Variants in DPP6 observed in about 807,000 individuals in gnomAD.
DPP6 encodes the protein A-type potassium channel modulatory protein DPP6.
Under a neutral mutation model 122.6 loss-of-function variants are expected in DPP6, and 69 were observed. The ratio of observed to expected loss-of-function variants is 0.56; its 90% confidence interval spans 0.46 to 0.69. The LOEUF (loss-of-function observed/expected upper bound fraction) is 0.69. DPP6 is among the 30% of genes least tolerant of loss of function. DPP6 has a pLI of 0.00. For missense variants in DPP6, 928 were observed against 1,116.9 expected (o/e 0.83, Z 2.41); for synonymous variants, 418 against 433.1 (o/e 0.97, Z 0.43).
intron 1 of DPP6, among the ~76,000 whole-genome samples, chr7:154,012,565 T>A (rs1054352964): frequency 6.6e-6 from 1 of 152,140 alleles, no homozygotes; most frequent in Non-Finnish European, 1.5e-5. Context: ...AAATTGAATA[T>A]CTGACAAGAG....
chr7:154,512,705 AATC>A (rs1297543322), intron 3 of DPP6, among the ~76,000 whole-genome samples: 3 of 152,286 alleles, frequency 2.0e-5, no homozygotes, highest in South Asian at 2.1e-4. Flanking sequence ...AAGGGAGTGA[AATC>A]ATCATCTTAG....
chr7:153,930,501 T>C (rs538881368), intron 1 of DPP6, among the ~76,000 whole-genome samples: 41 of 152,230 alleles, frequency 2.7e-4, no homozygotes, highest in Non-Finnish European at 4.9e-4. Context: ...GTATTTTTCA[T>C]GTACAACATG....
chr7:154,053,076 C>CG lies in DPP6; in HGVS notation c.243+18dup, dbSNP rs1204287004. ...TGACGAGGAGGACGTAAGAGCTTCT[C>CG]GGGGGCGGGGGGCGGCGGCGGGTTC... On this transcript the variant is annotated intron_variant, in intron 1 of 25. Coordinates refer to ENST00000377770, the MANE Select transcript of DPP6 (RefSeq NM_130797.4). The CG allele has an allele frequency of 2.0e-5, 12 of 594,614 alleles. No homozygotes were observed. The highest frequency in any genetic ancestry group is 9.3e-5 in the African/African-American group (3 of 32,120). 36.8% of individuals were successfully genotyped at this position (594,614 alleles called of 1,614,324 possible). A position where few individuals can be genotyped will look rare whatever the true frequency, so the allele number is the denominator to read the frequency against.
intron 1 of DPP6, among the ~76,000 whole-genome samples, chr7:154,350,962 C>T (rs1483660528): frequency 6.6e-6 from 1 of 152,124 alleles, no homozygotes; most frequent in Non-Finnish European, 1.5e-5. Flanking sequence ...CCTCGGAGGG[C>T]ATTTTCAGAT....
chr7:154,153,912 ACT>A (rs1796553127), intron 1 of DPP6, among the ~76,000 whole-genome samples: 1 of 152,088 alleles, frequency 6.6e-6, no homozygotes. Flanking sequence ...TGGGTGGCAA[ACT>A]CTCAAACCCA....
chr7:154,055,308 CA>C (rs1234499170), intron 1 of DPP6, among the ~76,000 whole-genome samples: 2 of 131,790 alleles, frequency 1.5e-5, no homozygotes, highest in African/African-American at 2.8e-5. Context: ...CCTTTAAAAA[CA>C]ACAACAAACT....
rs923905458 is a variant in DPP6, at chr7:154,588,275, A to C, written c.627+21359A>C. On this transcript the variant is annotated intron_variant, in intron 5 of 25. Coordinates refer to ENST00000377770, the MANE Select transcript of DPP6 (RefSeq NM_130797.4). ...AATGGCCTGTTCTCAGAGATGCAGC[A>C]ATGGACCCTCGTGAATACTGAACTG... 1.0e-5 allele frequency: 10 copies of C among 964,472 alleles called. No homozygotes were observed. The Admixed American group carries it at 3.0e-4, about 29-fold the overall frequency. 59.7% of individuals were successfully genotyped at this position (964,472 alleles called of 1,614,324 possible).
At chr7:154,599,995 C>T (rs992346571) in intron 5 of DPP6, among the ~76,000 whole-genome samples, 12 of 152,146 alleles carry the variant, frequency 7.9e-5, no homozygotes, top group African/African-American at 1.4e-4. Context: ...AAGGTCTATC[C>T]TTTTCTTCAT....
In DPP6 at chr7:154,787,587, CGAACTTCAGAATTATTTTATTT is replaced by C. The variant is rs2150414508; in HGVS notation, c.1137-6489_1137-6468del. Among the ~76,000 whole-genome samples the C allele has an allele frequency of 2.6e-5, 4 of 152,212 alleles. No individual in the cohort carries two copies. The South Asian group carries it at 8.3e-4, about 32-fold the overall frequency. On this transcript the variant is annotated intron_variant, in intron 10 of 25. Coordinates refer to ENST00000377770, the MANE Select transcript of DPP6 (RefSeq NM_130797.4). ...CCACCTATCTATTTCTTCTTATATGCGAACTTCAGAATTATTTTATTTGACTCTCTACTGAAAAGAAATTCAT... is the reference window on the plus strand; with the variant it reads ...CCACCTATCTATTTCTTCTTATATGCGACTCTCTACTGAAAAGAAATTCAT...
intron 1 of DPP6, among the ~76,000 whole-genome samples, chr7:153,983,857 C>T (rs1025925871): frequency 6.6e-6 from 1 of 152,054 alleles, no homozygotes; most frequent in Admixed American, 6.6e-5. Flanking sequence ...TGCTTCTGCT[C>T]ACCCTCCATG....
chr7:154,498,679 A>G (rs1824963017), intron 3 of DPP6, among the ~76,000 whole-genome samples: 1 of 152,060 alleles, frequency 6.6e-6, no homozygotes, highest in Non-Finnish European at 1.5e-5. Flanking sequence ...GCCCTCAAAT[A>G]TCAAGGACCC....
chr7:153,841,339 C>T, the DPP6 span, among the ~76,000 whole-genome samples: 2 of 152,200 alleles, frequency 1.3e-5, no homozygotes, highest in African/African-American at 4.8e-5. Context: ...GAAAGTCTCA[C>T]CTCACATGTG....
intron 1 of DPP6, among the ~76,000 whole-genome samples, chr7:154,371,319 C>T (rs551204748): frequency 4.1e-4 from 49 of 120,680 alleles, no homozygotes; most frequent in African/African-American, 1.5e-3. Context: ...GCAGAGGTTG[C>T]AGTGAGCCGA....
intron 1 of DPP6, among the ~76,000 whole-genome samples, chr7:154,100,602 C>T (rs370935480): frequency 0.094 from 7,675 of 81,984 alleles, 2,654 homozygotes; most frequent in African/African-American, 0.42. Flanking sequence ...GAGCCACACT[C>T]GGGGCAAGAC....
Position 154,887,670 on chromosome 7 carries a change from G to C in DPP6, c.2246-6G>C, listed in dbSNP as rs730880075. The C allele has an allele frequency of 2.5e-6, 4 of 1,613,710 alleles. No homozygotes were observed. The highest frequency in any genetic ancestry group is 1.6e-4 in the Middle Eastern group (1 of 6,084). On this transcript the variant is annotated splice_region_variant and splice_polypyrimidine_tract_variant and intron_variant, in intron 22 of 25. Coordinates refer to ENST00000377770, the MANE Select transcript of DPP6 (RefSeq NM_130797.4). ...AGGTAACCTCCCTCCCTTTGCTTCC[G>C]TGCAGCCTCTGCGTTTTCCGAGAGG...
intron 1 of DPP6, among the ~76,000 whole-genome samples, chr7:154,385,371 G>A (rs956672486): frequency 6.6e-6 from 1 of 152,198 alleles, no homozygotes; most frequent in Non-Finnish European, 1.5e-5. Flanking sequence ...TCTTCAGGGA[G>A]AGAAGACAAG....
intron 1 of DPP6, among the ~76,000 whole-genome samples, chr7:154,176,712 G>C (rs549705155): frequency 6.6e-6 from 1 of 152,190 alleles, no homozygotes; most frequent in African/African-American, 2.4e-5. Flanking sequence ...GACCACCTGC[G>C]TGGCCTGCCT....
the DPP6 span, among the ~76,000 whole-genome samples, chr7:153,826,793 G>C: frequency 6.6e-6 from 1 of 152,098 alleles, no homozygotes; most frequent in Non-Finnish European, 1.5e-5. Flanking sequence ...TGATAGCCAT[G>C]AAATTTAGCT....
chr7:154,762,056 G>A (rs6597423), intron 8 of DPP6, among the ~76,000 whole-genome samples: 83,421 of 152,020 alleles, frequency 0.55, 23,454 homozygotes, highest in Non-Finnish European at 0.61. Context: ...AGGACAGCAC[G>A]GAGTAGATGG....
Sources: allele counts gnomAD v4.1 joint callset (sites outside exome capture counted in the v4.1 genomes callset), GRCh38; gene constraint gnomAD v4.1.1; transcripts MANE v1.5; gene names NCBI Gene and HGNC (gene_info 2026-07-23, HGNC 2026-07-21).